Variants in PARP8 observed in about 807,000 individuals in gnomAD.
PARP8 encodes the protein poly(ADP-ribose) polymerase family member 8.
In PARP8, 51 loss-of-function variants were observed where a neutral mutation model predicts 124.1. That is an observed-to-expected ratio of 0.41 (90% CI 0.33 to 0.52). The LOEUF (loss-of-function observed/expected upper bound fraction) is 0.52, where lower values mean the gene tolerates loss of function less well. PARP8 is among the 20% of genes least tolerant of loss of function. The probability of loss-of-function intolerance (pLI) is 0.21; values close to 1 mark genes in which losing one functional copy is unlikely to be tolerated. For synonymous variants in PARP8, 391 were observed against 361.5 expected (o/e 1.08, Z -0.93); for missense variants, 860 against 1,018.9 (o/e 0.84, Z 2.12).
At chr5:50,807,687 A>G (rs1272843332) in intron 14 of PARP8, among the ~76,000 whole-genome samples, 3 of 151,934 alleles carry the variant, frequency 2.0e-5, no homozygotes, top group Non-Finnish European at 4.4e-5. Context: ...GAACTGCTGA[A>G]CTCTGCTAGA....
Position 50,823,243 on chromosome 5 carries a change from C to T in PARP8, c.1860+843C>T, listed in dbSNP as rs750027351. On this transcript the variant is annotated intron_variant, in intron 17 of 25. Coordinates refer to ENST00000281631, the MANE Select transcript of PARP8 (RefSeq NM_024615.4). ...CTAAGCTGCTATGCAGCTTTCTCCC[C>T]GCCCCCCACCAACCCCCAGAGTTAT... Among the ~76,000 whole-genome samples, 7 of 152,184 alleles carry T rather than the reference C, an allele frequency of 4.6e-5. 1 individual carries two copies. Among genetic ancestry groups the T allele is most frequent in the South Asian group, 4.1e-4 (2 of 4,830 alleles).
In PARP8 at chr5:50,688,709, C is replaced by T. The variant is rs187698599; in HGVS notation, c.146+20584C>T. Reference sequence around the variant, plus strand: ...GTTCTCAATTAACATTAATATAAAACCTAGAAAGTAAGTCTAGCTTGACTC... The same window carrying T: ...GTTCTCAATTAACATTAATATAAAATCTAGAAAGTAAGTCTAGCTTGACTC... On this transcript the variant is annotated intron_variant, in intron 2 of 25. Transcript: ENST00000281631. Among the ~76,000 whole-genome samples, 50 of 152,132 alleles carry T rather than the reference C, an allele frequency of 3.3e-4. 1 individual carries two copies. The East Asian group carries it at 7.1e-3, about 22-fold the overall frequency.
intron 7 of PARP8, 72 bp from the exon 8 acceptor site, chr5:50,777,996 TA>T: frequency 8.7e-7 from 1 of 1,145,134 alleles, no homozygotes; most frequent in African/African-American, 1.6e-5. Flanking sequence ...AAATTTTAAA[TA>T]AAATAACCTA....
chr5:50,690,973 C>T (rs2149460488), intron 2 of PARP8, among the ~76,000 whole-genome samples: 1 of 152,248 alleles, frequency 6.6e-6, no homozygotes, highest in Admixed American at 6.5e-5. Flanking sequence ...ATATAGAAGT[C>T]AGTATCCAAA....
chr5:50,715,700 G>T (rs748757028), intron 2 of PARP8, among the ~76,000 whole-genome samples: 35 of 151,972 alleles, frequency 2.3e-4, no homozygotes, highest in Non-Finnish European at 3.1e-4. Flanking sequence ...AAACTTTAGT[G>T]TTTAAATTAT....
chr5:50,729,216 G>A (rs1421538720), intron 2 of PARP8, among the ~76,000 whole-genome samples: 1 of 152,084 alleles, frequency 6.6e-6, no homozygotes, highest in Non-Finnish European at 1.5e-5. Context: ...TAGGAACTCT[G>A]GATAACTAAT....
chr5:50,683,514 C>A (rs1751515270), intron 2 of PARP8, among the ~76,000 whole-genome samples: 1 of 152,216 alleles, frequency 6.6e-6, no homozygotes, highest in Admixed American at 6.5e-5. Context: ...TTCATATTTT[C>A]TTTTTAAAAT....
At position 50,778,660 on chromosome 5, in the gene PARP8, ATTTC is replaced by A. The variant is rs1693395001; in HGVS notation, c.670+14_670+17del. 1.3e-6 allele frequency: 2 copies of A among 1,538,224 alleles called. No homozygotes were observed. The highest frequency in any genetic ancestry group is 1.9e-5 in the Admixed American group (1 of 53,056). On this transcript the variant is annotated intron_variant, in intron 9 of 25. Transcript: ENST00000281631. ...TATTTAAATGGCCCAGGTTAGTTTT[ATTTC>A]TTTATTTATTATTTTGAATATTAAT...
chr5:50,687,193 C>G (rs1751964518), intron 2 of PARP8, among the ~76,000 whole-genome samples: 2 of 152,192 alleles, frequency 1.3e-5, no homozygotes, highest in Admixed American at 1.3e-4. Context: ...ATTTCTTCCA[C>G]CAGATACCCT....
intron 7 of PARP8, among the ~76,000 whole-genome samples, chr5:50,771,682 T>A (rs1385090793): frequency 2.6e-5 from 4 of 152,230 alleles, no homozygotes; most frequent in Non-Finnish European, 4.4e-5. Flanking sequence ...TAGAAATTTT[T>A]ATTTAGTGCC....
rs1322117986 is a variant in PARP8 at position 50,706,253 on chromosome 5, T to A, written c.146+38128T>A. ...TTTTCAGTTTATTGAAAGTTTGGAA[T>A]TTTATTTCTGTGACGTTTCATATGC... On this transcript the variant is annotated intron_variant, in intron 2 of 25. Coordinates refer to ENST00000281631, the MANE Select transcript of PARP8 (RefSeq NM_024615.4). Among the ~76,000 whole-genome samples, 3 of 152,134 alleles carry A rather than the reference T, an allele frequency of 2.0e-5. No homozygotes were observed. In the East Asian group the frequency reaches 5.8e-4, roughly 29 times the overall value.
chr5:50,701,966 T>C (rs915351964), intron 2 of PARP8, among the ~76,000 whole-genome samples: 3 of 152,176 alleles, frequency 2.0e-5, no homozygotes, highest in African/African-American at 7.2e-5. Flanking sequence ...TGGGGAGTTA[T>C]AATCATTTTA....
intron 2 of PARP8, chr5:50,668,443 C>T (rs1478844148): frequency 1.3e-5 from 4 of 309,422 alleles, no homozygotes; most frequent in Non-Finnish European, 1.2e-5. Context: ...AACTGGAATA[C>T]TGGATATGAA....
intron 9 of PARP8, among the ~76,000 whole-genome samples, chr5:50,781,219 A>G (rs1194049390): frequency 6.6e-6 from 1 of 152,140 alleles, no homozygotes; most frequent in Non-Finnish European, 1.5e-5. Flanking sequence ...TGTTCCCATT[A>G]TATTTTTAAT....
At chr5:50,673,875 A>AT (rs1750322625) in intron 2 of PARP8, among the ~76,000 whole-genome samples, 1 of 152,196 alleles carries the variant, frequency 6.6e-6, no homozygotes, top group Non-Finnish European at 1.5e-5. Flanking sequence ...TATAGCTGAA[A>AT]TTTTATCAAT....
chr5:50,778,712 C>A, intron 9 of PARP8, 62 bp downstream of exon 9: 1 of 1,037,516 alleles, frequency 9.6e-7, no homozygotes, highest in Non-Finnish European at 1.4e-6. Context: ...ATGCCTTAAG[C>A]AAAATGCGTG....
intron 21 of PARP8, 66 bp from the exon 22 acceptor site, chr5:50,829,826 T>C: frequency 6.9e-7 from 1 of 1,440,028 alleles, no homozygotes; most frequent in Non-Finnish European, 9.3e-7. Flanking sequence ...AACTGATTGC[T>C]TTGTCAAATA....
At chr5:50,700,568 CTT>C (rs1430054689) in intron 2 of PARP8, among the ~76,000 whole-genome samples, 2 of 152,144 alleles carry the variant, frequency 1.3e-5, no homozygotes, top group South Asian at 2.1e-4. Context: ...AAATTGGAGA[CTT>C]AATTTGAGCA....
rs543747154 is a variant in PARP8, at chr5:50,677,455, T to C, written c.146+9330T>C. On this transcript the variant is annotated intron_variant, in intron 2 of 25. Coordinates refer to ENST00000281631, the MANE Select transcript of PARP8 (RefSeq NM_024615.4). ...CTAAGACAAAGTTTGAATAATTCAC[T>C]GTGAGACAAATTCTTTCTTGATTTT... Among the ~76,000 whole-genome samples the C allele has an allele frequency of 4.6e-5, 7 of 152,340 alleles. No individual in the cohort carries two copies. The South Asian group carries it at 1.4e-3, about 32-fold the overall frequency.
Sources: allele counts gnomAD v4.1 joint callset (sites outside exome capture counted in the v4.1 genomes callset), GRCh38; gene constraint gnomAD v4.1.1; transcripts MANE v1.5; gene names NCBI Gene and HGNC (gene_info 2026-07-23, HGNC 2026-07-21).